HDAC9: variants seen among roughly 807,000 people sequenced by gnomAD.
HDAC9 encodes the protein MEF-2 interacting transcription repressor (MITR) protein.
Under a neutral mutation model 139.4 loss-of-function variants are expected in HDAC9, and 41 were observed. The observed-to-expected ratio is 0.29, with a 90% CI of 0.23 to 0.38. The LOEUF (loss-of-function observed/expected upper bound fraction) is 0.38. Among genes scored for constraint, HDAC9 ranks in the 10% least tolerant of loss-of-function variants. The pLI is 1.00. For synonymous variants in HDAC9, 517 were observed against 476.2 expected, an observed-to-expected ratio of 1.09 and a Z score of -1.12; for missense variants, 1,147 against 1,297.0, an observed-to-expected ratio of 0.88 and a Z score of 1.78.
intron 2 of HDAC9, among the ~76,000 whole-genome samples, chr7:18,563,186 A>C (rs190906340): frequency 4.6e-5 from 7 of 152,274 alleles, no homozygotes; most frequent in African/African-American, 1.7e-4. Context: ...CTTTAAAATT[A>C]ATTTCAAAAA....
At chr7:18,167,543 T>C (rs1788090790) in intron 2 of HDAC9, among the ~76,000 whole-genome samples, 1 of 152,210 alleles carries the variant, frequency 6.6e-6, no homozygotes, top group Non-Finnish European at 1.5e-5. Context: ...ATATAAAGAC[T>C]GAGTAGAGAG....
intron 1 of HDAC9, among the ~76,000 whole-genome samples, chr7:18,398,731 T>C (rs148710259): frequency 6.6e-6 from 1 of 152,272 alleles, no homozygotes; most frequent in African/African-American, 2.4e-5. Context: ...TTAAAAAGAA[T>C]GTGCTGTTGA....
chr7:18,858,877 T>C (rs1797884088), intron 21 of HDAC9, among the ~76,000 whole-genome samples: 1 of 152,172 alleles, frequency 6.6e-6, no homozygotes, highest in Non-Finnish European at 1.5e-5. Context: ...CCTACTTCCC[T>C]TCTAACTCAC....
At chr7:18,678,914 A>G (rs1357486289) in intron 12 of HDAC9, among the ~76,000 whole-genome samples, 2 of 151,968 alleles carry the variant, frequency 1.3e-5, no homozygotes, top group African/African-American at 4.8e-5. Context: ...CAAGTCTATC[A>G]TAACCTTTAC....
At chr7:18,631,964 G>A (rs1280624875) in intron 7 of HDAC9, among the ~76,000 whole-genome samples, 1 of 151,636 alleles carries the variant, frequency 6.6e-6, no homozygotes, top group African/African-American at 2.4e-5. Context: ...TCTACATAAG[G>A]AAATACTTCA....
At chr7:18,888,725 GA>G (rs1434302496) in intron 22 of HDAC9, among the ~76,000 whole-genome samples, 1 of 152,084 alleles carries the variant, frequency 6.6e-6, no homozygotes, top group Non-Finnish European at 1.5e-5. Flanking sequence ...TAGTCTAAAT[GA>G]GCCACCTGTG....
At chr7:18,143,758 A>G (rs923412909) in intron 1 of HDAC9, among the ~76,000 whole-genome samples, 2 of 146,820 alleles carry the variant, frequency 1.4e-5, no homozygotes, top group Non-Finnish European at 3.0e-5. Flanking sequence ...GCACCATTAC[A>G]CTCTAGCCTG....
intron 1 of HDAC9, among the ~76,000 whole-genome samples, chr7:18,316,377 A>G (rs190374450): frequency 1.2e-4 from 19 of 152,308 alleles, no homozygotes; most frequent in African/African-American, 4.6e-4. Flanking sequence ...CATATAATGT[A>G]TAAGTATTGA....
intron 2 of HDAC9, among the ~76,000 whole-genome samples, chr7:18,168,242 T>C (rs1486307410): frequency 6.6e-6 from 1 of 152,238 alleles, no homozygotes; most frequent in African/African-American, 2.4e-5. Flanking sequence ...TTAAACTTTA[T>C]AATCACAATT....
chr7:18,735,200 G>C (rs573745534), intron 13 of HDAC9, among the ~76,000 whole-genome samples: 49 of 152,342 alleles, frequency 3.2e-4, no homozygotes, highest in African/African-American at 1.1e-3. Context: ...TGTTCACTCT[G>C]ATGGTAGTTC....
chr7:18,768,774 G>A (rs1425860645), intron 16 of HDAC9, among the ~76,000 whole-genome samples: 1 of 152,100 alleles, frequency 6.6e-6, no homozygotes, highest in Non-Finnish European at 1.5e-5. Flanking sequence ...GATGATCCCT[G>A]AGTTATGATG....
chr7:18,202,000 C>T (rs954819039), intron 2 of HDAC9, among the ~76,000 whole-genome samples: 1 of 152,206 alleles, frequency 6.6e-6, no homozygotes, highest in Non-Finnish European at 1.5e-5. Context: ...CCTGACCAGG[C>T]CATTGTTCTC....
chr7:18,411,600 C>A (rs1369150926), intron 1 of HDAC9, among the ~76,000 whole-genome samples: 1 of 152,124 alleles, frequency 6.6e-6, no homozygotes, highest in East Asian at 1.9e-4. Context: ...TGGTCTTGAT[C>A]TCCTGACCTC....
At chr7:18,648,865 A>G (rs1788286171) in intron 11 of HDAC9, among the ~76,000 whole-genome samples, 182 bp downstream of exon 11, 2 of 152,144 alleles carry the variant, frequency 1.3e-5, no homozygotes, top group South Asian at 2.1e-4. Flanking sequence ...AACCACCATT[A>G]TGTTCATAAG....
intron 1 of HDAC9, among the ~76,000 whole-genome samples, chr7:18,329,996 TGTGTGTGTGTTCC>T (rs1443180391): frequency 1.8e-4 from 2 of 11,130 alleles, no homozygotes; most frequent in Non-Finnish European, 3.7e-4. Flanking sequence ...TGTGTGTGTG[TGTGTGTGTGTTCC>T]GTGTGTGAGA....
At chr7:18,241,964 AT>A (rs758786364) in intron 2 of HDAC9, among the ~76,000 whole-genome samples, 15 of 152,156 alleles carry the variant, frequency 9.9e-5, no homozygotes, top group Non-Finnish European at 1.6e-4. Context: ...CAGTTCAGGG[AT>A]TTTAGCAAAC....
chr7:18,860,195 C>T (rs1010406252), intron 21 of HDAC9, among the ~76,000 whole-genome samples: 6 of 151,900 alleles, frequency 3.9e-5, no homozygotes, highest in Non-Finnish European at 5.9e-5. Context: ...CCAAAGTGCA[C>T]GTGTCACCAG....
chr7:18,467,181 C>T (rs776544616), intron 1 of HDAC9, among the ~76,000 whole-genome samples: 5 of 152,172 alleles, frequency 3.3e-5, no homozygotes, highest in African/African-American at 4.8e-5. Flanking sequence ...TCCAAACTTA[C>T]TGATCTTTCC....
intron 12 of HDAC9, among the ~76,000 whole-genome samples, chr7:18,722,135 A>C (rs1179118128): frequency 2.0e-5 from 3 of 152,238 alleles, no homozygotes; most frequent in Non-Finnish European, 4.4e-5. Context: ...AAGTTGTCTT[A>C]CACATCTCAG....
Sources: allele counts gnomAD v4.1 joint callset (sites outside exome capture counted in the v4.1 genomes callset), GRCh38; gene constraint gnomAD v4.1.1; transcripts MANE v1.5; gene names NCBI Gene and HGNC (gene_info 2026-07-23, HGNC 2026-07-21).